MYH16: variants seen among roughly 807,000 people sequenced by gnomAD.
MYH16 encodes myosin heavy chain 16.
chr7:99,289,400 C>T, exon 30 of MYH16: 1 of 435,282 alleles, frequency 2.3e-6, no homozygotes, highest in Non-Finnish European at 4.6e-6. Context: ...GGACCCGCCT[C>T]CAAGGTGAGC....
rs548068681 is a variant in MYH16 at position 99,247,589 on chromosome 7, A to C, written n.355-5A>C. 3 of 177,524 alleles carry C rather than the reference A, an allele frequency of 1.7e-5. No individual in the cohort carries two copies. The East Asian group carries it at 4.2e-4, about 25-fold the overall frequency. The allele number at this position is 177,524 out of a possible 1,614,324, so 11.0% of individuals were successfully genotyped here. A position where few individuals can be genotyped will look rare whatever the true frequency, so the allele number is the denominator to read the frequency against. On this transcript the variant is annotated splice_polypyrimidine_tract_variant and splice_region_variant and intron_variant and non_coding_transcript_variant, in intron 2 of 41. Transcript: ENST00000439784. Reference sequence around the variant, plus strand: ...CAGCTGACCATCTTCCCTCCCTCCCACCAGACCTACTCGGGCTTGTTCTGC... The same window carrying C: ...CAGCTGACCATCTTCCCTCCCTCCCCCCAGACCTACTCGGGCTTGTTCTGC...
chr7:99,294,580 T>C (rs1442866379), intron 33 of MYH16, among the ~76,000 whole-genome samples: 5 of 150,392 alleles, frequency 3.3e-5, no homozygotes, highest in Non-Finnish European at 5.9e-5. Context: ...TTTTTTCTTT[T>C]TTGAGATGGA....
At chr7:99,267,821 C>T (rs527916197) in intron 18 of MYH16, among the ~76,000 whole-genome samples, 2 of 152,188 alleles carry the variant, frequency 1.3e-5, no homozygotes, top group African/African-American at 4.8e-5. Context: ...CCCTGCCCCC[C>T]ACAACAAACT....
chr7:99,310,807 C>T (rs1338030065), downstream of MYH16: 1 of 152,114 alleles, frequency 6.6e-6, no homozygotes, highest in Non-Finnish European at 1.5e-5. Context: ...TGGGTCTGTC[C>T]TGAGAATGTT....
intron 18 of MYH16, among the ~76,000 whole-genome samples, chr7:99,267,352 C>T (rs527445244): frequency 3.5e-4 from 54 of 152,162 alleles, no homozygotes; most frequent in Non-Finnish European, 7.1e-4. Flanking sequence ...CCTCAGCCTC[C>T]CAAGTAGCTG....
At chr7:99,260,363 A>G (rs7792178) in intron 12 of MYH16, 844,167 of 1,067,980 alleles carry the variant, frequency 0.79, 349,063 homozygotes, top group Non-Finnish European at 0.86. Flanking sequence ...GAGGGATTGG[A>G]GAGAGGCCAG....
intron 21 of MYH16, among the ~76,000 whole-genome samples, chr7:99,277,937 GACA>G (rs1792141172): frequency 8.3e-6 from 1 of 120,094 alleles, no homozygotes; most frequent in Admixed American, 9.6e-5. Context: ...GAGAGAGAGA[GACA>G]GACAGACAGA....
At chr7:99,275,010 T>TCCAAA (rs1352032813) in intron 20 of MYH16, among the ~76,000 whole-genome samples, 1 of 151,872 alleles carries the variant, frequency 6.6e-6, no homozygotes, top group Non-Finnish European at 1.5e-5. Context: ...AAAATTTTTT[T>TCCAAA]TTGACACAGG....
intron 23 of MYH16, among the ~76,000 whole-genome samples, chr7:99,281,904 CCT>C (rs35805340): frequency 0.035 from 5,384 of 152,312 alleles, 104 homozygotes; most frequent in African/African-American, 0.054. Flanking sequence ...CCACATGTCC[CCT>C]GAGTGCCTCT....
At chr7:99,241,104 T>C (rs1396838802) in intron 1 of MYH16, among the ~76,000 whole-genome samples, 2 of 152,180 alleles carry the variant, frequency 1.3e-5, no homozygotes, top group Non-Finnish European at 2.9e-5. Context: ...CACAATTTCC[T>C]TGAGTATCTG....
Position 99,243,977 on chromosome 7 carries a change from T to TCATC in MYH16, n.354+579_354+582dup, listed in dbSNP as rs547422876. 5.7e-3 allele frequency among the ~76,000 whole-genome samples: 853 copies of TCATC among 148,368 alleles called. 3 individuals are homozygous for TCATC. Among genetic ancestry groups the TCATC allele is most frequent in the Non-Finnish European group, 7.5e-3 (500 of 67,026 alleles). On this transcript the variant is annotated intron_variant and non_coding_transcript_variant, in intron 2 of 41. Transcript: ENST00000439784. ...TCCATCAACCCAAACATCCAAACATTCATCCATCCATCCATCCATCCATCC... is the reference window on the plus strand; with the variant it reads ...TCCATCAACCCAAACATCCAAACATTCATCCATCCATCCATCCATCCATCCATCC...
At chr7:99,281,598 G>A (rs1443137508) in intron 23 of MYH16, among the ~76,000 whole-genome samples, 1 of 152,080 alleles carries the variant, frequency 6.6e-6, no homozygotes, top group South Asian at 2.1e-4. Context: ...AGTTAGGTTG[G>A]GCCCATGCAC....
chr7:99,240,419 C>T (rs1007431833), intron 1 of MYH16, among the ~76,000 whole-genome samples: 3 of 151,996 alleles, frequency 2.0e-5, no homozygotes, highest in Admixed American at 2.0e-4. Flanking sequence ...CTCCAAACCG[C>T]CTTCAAGGAT....
At chr7:99,267,176 C>T (rs1021430922) in intron 18 of MYH16, among the ~76,000 whole-genome samples, 3 of 152,214 alleles carry the variant, frequency 2.0e-5, no homozygotes, top group African/African-American at 4.8e-5. Context: ...AGAGGCAACA[C>T]GCATAGAACT....
At chr7:99,295,640 C>T (rs953499782) in intron 33 of MYH16, among the ~76,000 whole-genome samples, 1 of 151,860 alleles carries the variant, frequency 6.6e-6, no homozygotes. Flanking sequence ...ATGAAGTGGC[C>T]ACGTAGGCAG....
chr7:99,274,921 G>A lies in MYH16; in HGVS notation n.2485+1498G>A, dbSNP rs374562459. Among the ~76,000 whole-genome samples, 11 of 151,162 alleles carry A rather than the reference G, an allele frequency of 7.3e-5. No individual in the cohort carries two copies. The East Asian group carries it at 1.4e-3, about 19-fold the overall frequency. On this transcript the variant is annotated intron_variant and non_coding_transcript_variant, in intron 20 of 41. Transcript: ENST00000439784. ...ACTCCTGACCTCAGGTGATCCACCCGCCTTGGCCTCCCAAAGTGCTGCTGG... is the reference window on the plus strand; with the variant it reads ...ACTCCTGACCTCAGGTGATCCACCCACCTTGGCCTCCCAAAGTGCTGCTGG...
intron 20 of MYH16, among the ~76,000 whole-genome samples, chr7:99,277,241 T>C (rs1792126945): frequency 6.6e-6 from 1 of 152,156 alleles, no homozygotes; most frequent in Admixed American, 6.5e-5. Flanking sequence ...GATGTAAGCC[T>C]TGGGTCACCC....
At chr7:99,264,434 C>G (rs1487144142) in intron 15 of MYH16, 1 of 152,538 alleles carries the variant, frequency 6.6e-6, no homozygotes, top group East Asian at 1.9e-4. Context: ...GGGTCTGTTT[C>G]CTTCTGAAGA....
downstream of MYH16, among the ~76,000 whole-genome samples, chr7:99,309,829 G>A: frequency 6.6e-6 from 1 of 152,112 alleles, no homozygotes; most frequent in East Asian, 1.9e-4. Context: ...TGCCTCTGGG[G>A]TCTACTCTCC....
Sources: allele counts gnomAD v4.1 joint callset (sites outside exome capture counted in the v4.1 genomes callset), GRCh38; gene constraint gnomAD v4.1.1; transcripts MANE v1.5; gene names NCBI Gene and HGNC (gene_info 2026-07-23, HGNC 2026-07-21).